Variants in ASB3 observed in about 807,000 individuals in gnomAD.
ASB3 encodes the protein ankyrin repeat and SOCS box containing 3.
In ASB3, 41 loss-of-function variants were observed where a neutral mutation model predicts 54.5. The observed-to-expected ratio is 0.75, with a 90% CI of 0.59 to 0.98. The LOEUF is 0.98. Among genes scored for constraint, ASB3 ranks in the 50% least tolerant of loss-of-function variants. The pLI, the probability that ASB3 is intolerant of heterozygous loss-of-function variation, is 0.00. For synonymous variants in ASB3, 266 were observed against 221.2 expected (o/e 1.20, Z -1.80); for missense variants, 733 against 620.0 (o/e 1.18, Z -1.94).
intron 8 of ASB3, among the ~76,000 whole-genome samples, chr2:53,696,851 C>T (rs149963342): frequency 6.6e-6 from 1 of 152,120 alleles, no homozygotes; most frequent in African/African-American, 2.4e-5. Context: ...ATAGACTAGA[C>T]ACAAATACTA....
chr2:53,670,445 T>C lies in ASB3; in HGVS notation c.*58A>G. On this transcript the variant is annotated 3_prime_UTR_variant, in exon 10 of 10. Coordinates refer to ENST00000263634, the MANE Select transcript of ASB3 (RefSeq NM_016115.5). ...CATAAAAACTTGTACTCTGTGGCTC[T>C]TTTGTCTCGATGATTTTTCAGAGAA... The C allele has an allele frequency of 6.4e-7, 1 of 1,562,806 alleles. No individual in the cohort carries two copies. Among genetic ancestry groups the C allele is most frequent in the Non-Finnish European group, 8.7e-7 (1 of 1,154,424 alleles).
At chr2:53,727,678 T>A (rs1445129530) in intron 5 of ASB3, among the ~76,000 whole-genome samples, 1 of 152,134 alleles carries the variant, frequency 6.6e-6, no homozygotes, top group Non-Finnish European at 1.5e-5. Flanking sequence ...TTGTATGATC[T>A]ATTTTCTATT....
intron 3 of ASB3, among the ~76,000 whole-genome samples, chr2:53,736,854 G>C (rs113264475): frequency 6.6e-6 from 1 of 151,892 alleles, no homozygotes; most frequent in African/African-American, 2.4e-5. Context: ...AGCCAGGTGT[G>C]GTGGTGCATG....
chr2:53,781,705 G>T (rs981969571), intron 1 of ASB3, among the ~76,000 whole-genome samples: 1 of 152,004 alleles, frequency 6.6e-6, no homozygotes, highest in African/African-American at 2.4e-5. Context: ...AGGTTGGTCA[G>T]GCTGGTCTTG....
intron 7 of ASB3, among the ~76,000 whole-genome samples, chr2:53,705,065 C>T (rs1325834558): frequency 3.9e-5 from 6 of 152,142 alleles, no homozygotes; most frequent in East Asian, 1.9e-4. Flanking sequence ...TCAAATTCTA[C>T]GTCTCTTTGA....
intron 7 of ASB3, among the ~76,000 whole-genome samples, chr2:53,703,867 C>A (rs1427405951): frequency 6.6e-6 from 1 of 152,140 alleles, no homozygotes; most frequent in African/African-American, 2.4e-5. Flanking sequence ...ACTATCATAA[C>A]ACATTGTTGC....
At chr2:53,781,367 A>G (rs1270947835) in intron 1 of ASB3, among the ~76,000 whole-genome samples, 1 of 151,768 alleles carries the variant, frequency 6.6e-6, no homozygotes, top group African/African-American at 2.4e-5. Context: ...AGCCAAAACC[A>G]TGCCATTGCA....
At position 53,716,456 on chromosome 2, in the gene ASB3, G is replaced by A. The variant is rs1670396905; in HGVS notation, c.782+110C>T. ...GATCTGTTCACCCAGCAGATTGGTA[G>A]GGAAGAGAATATCAAAGACTTTGCC... On this transcript the variant is annotated intron_variant, in intron 6 of 9. Coordinates refer to ENST00000263634, the MANE Select transcript of ASB3 (RefSeq NM_016115.5). 8.9e-6 allele frequency: 12 copies of A among 1,348,106 alleles called. No homozygotes were observed. The East Asian group carries it at 1.2e-4, about 13-fold the overall frequency. 83.5% of individuals were successfully genotyped at this position (1,348,106 alleles called of 1,614,324 possible).
intron 3 of ASB3, among the ~76,000 whole-genome samples, chr2:53,749,762 G>A (rs114370349): frequency 6.6e-6 from 1 of 152,030 alleles, no homozygotes; most frequent in Admixed American, 6.6e-5. Flanking sequence ...TCACTGTCAG[G>A]GGTGGAGCTG....
chr2:53,765,580 A>G lies in ASB3; in HGVS notation c.-8T>C. The stretch of plus-strand genomic sequence containing the variant: ...AGCCTCTGTAAAATCCATTTGTTTG[A>G]CCAGTCTACAAAACAAGGTAGAAGG... On this transcript the variant is annotated 5_prime_UTR_variant, in exon 2 of 10. Coordinates refer to ENST00000263634, the MANE Select transcript of ASB3 (RefSeq NM_016115.5). 1 of 1,614,148 alleles carries G rather than the reference A, an allele frequency of 6.2e-7. No homozygotes were observed. Among genetic ancestry groups the G allele is most frequent in the Non-Finnish European group, 8.5e-7 (1 of 1,180,012 alleles).
chr2:53,707,388 T>TC (rs1263077340), intron 7 of ASB3, among the ~76,000 whole-genome samples: 1 of 152,134 alleles, frequency 6.6e-6, no homozygotes, highest in African/African-American at 2.4e-5. Flanking sequence ...ACGCCTGTAA[T>TC]CCCAGCACTT....
In ASB3 at chr2:53,730,996, A is replaced by G. The variant is rs1671275230; in HGVS notation, c.356-1426T>C. Among the ~76,000 whole-genome samples, 3 of 152,180 alleles carry G rather than the reference A, an allele frequency of 2.0e-5. No homozygotes were observed. In the South Asian group the frequency reaches 6.2e-4, roughly 32 times the overall value. On this transcript the variant is annotated intron_variant, in intron 3 of 9. Transcript: ENST00000263634. Reference sequence around the variant, plus strand: ...TTAAAAGTGTAAAACAAGAAATGATAAGCGTGCTTATTACTGAAGACAAGT... The same window carrying G: ...TTAAAAGTGTAAAACAAGAAATGATGAGCGTGCTTATTACTGAAGACAAGT...
At chr2:53,705,899 A>C (rs113980647) in intron 7 of ASB3, among the ~76,000 whole-genome samples, 61 of 152,346 alleles carry the variant, frequency 4.0e-4, no homozygotes, top group African/African-American at 1.4e-3. Flanking sequence ...AAATATGAGT[A>C]GATGTTCCAA....
chr2:53,774,401 AT>A (rs764270661), intron 1 of ASB3: 2 of 1,613,298 alleles, frequency 1.2e-6, no homozygotes, highest in Non-Finnish European at 8.5e-7. Context: ...AATACAGAAT[AT>A]CTTTTTGAAC....
At chr2:53,770,814 C>T (rs1673850283) in intron 1 of ASB3, among the ~76,000 whole-genome samples, 2 of 152,128 alleles carry the variant, frequency 1.3e-5, no homozygotes. Flanking sequence ...AAGAACTACA[C>T]GAATAGGCCA....
chr2:53,784,494 T>A (rs1674824229), intron 1 of ASB3, among the ~76,000 whole-genome samples: 1 of 152,210 alleles, frequency 6.6e-6, no homozygotes, highest in Admixed American at 6.5e-5. Context: ...GTCTCACAAT[T>A]CTAGAAACTA....
At chr2:53,715,876 T>A (rs1219004744) in intron 6 of ASB3, among the ~76,000 whole-genome samples, 1 of 152,192 alleles carries the variant, frequency 6.6e-6, no homozygotes, top group African/African-American at 2.4e-5. Context: ...TAAATAATAC[T>A]AATAGCAGCT....
chr2:53,738,846 G>T (rs1310538400), intron 3 of ASB3, among the ~76,000 whole-genome samples: 1 of 152,118 alleles, frequency 6.6e-6, no homozygotes, highest in Non-Finnish European at 1.5e-5. Flanking sequence ...CAAGGAAAAA[G>T]ATTAAGGATG....
At chr2:53,750,729 C>CA (rs1301928130) in intron 3 of ASB3, 54 bp downstream of exon 3, 13 of 1,419,752 alleles carry the variant, frequency 9.2e-6, no homozygotes, top group African/African-American at 4.4e-5. Context: ...CTTAGTTTAA[C>CA]AAAAAAATAA....
Sources: allele counts gnomAD v4.1 joint callset (sites outside exome capture counted in the v4.1 genomes callset), GRCh38; gene constraint gnomAD v4.1.1; transcripts MANE v1.5; gene names NCBI Gene and HGNC (gene_info 2026-07-23, HGNC 2026-07-21).